Variants in FBN2 observed in about 807,000 individuals in gnomAD.
FBN2 encodes fibrillin-2.
FBN2 carries 105 observed loss-of-function variants against 355.6 expected under a neutral mutation model. The ratio of observed to expected loss-of-function variants is 0.30; its 90% CI spans 0.25 to 0.35. The LOEUF (loss-of-function observed/expected upper bound fraction) is 0.35. FBN2 is among the 10% of genes least tolerant of loss of function. The probability of loss-of-function intolerance (pLI) is 1.00; values close to 1 mark genes in which losing one functional copy is unlikely to be tolerated. For synonymous variants in FBN2, 1,350 were observed against 1,301.2 expected (o/e 1.04, Z -0.81); for missense variants, 3,280 against 3,758.7 (o/e 0.87, Z 3.33).
At chr5:128,521,837 C>A (rs1756441518) in intron 4 of FBN2, among the ~76,000 whole-genome samples, 1 of 152,128 alleles carries the variant, frequency 6.6e-6, no homozygotes, top group Non-Finnish European at 1.5e-5. Flanking sequence ...GCTGGATGAA[C>A]CTTGAGTTTC....
chr5:128,296,673 C>T (rs901279644), intron 48 of FBN2, among the ~76,000 whole-genome samples: 6,487 of 152,144 alleles, frequency 0.043, 436 homozygotes, highest in African/African-American at 0.14. Context: ...TCTGTGGGAT[C>T]GATGGTGATA....
chr5:128,516,066 T>C (rs1394000141), intron 5 of FBN2, among the ~76,000 whole-genome samples: 1 of 152,194 alleles, frequency 6.6e-6, no homozygotes, highest in Non-Finnish European at 1.5e-5. Flanking sequence ...ACATTTGCGA[T>C]CAAGTAATCA....
intron 7 of FBN2, among the ~76,000 whole-genome samples, chr5:128,433,191 T>C (rs1753670375): frequency 6.6e-6 from 1 of 152,086 alleles, no homozygotes; most frequent in African/African-American, 2.4e-5. Flanking sequence ...GAAATGAAAC[T>C]GGAAATCAGA....
At chr5:128,520,969 T>C (rs1228989861) in intron 4 of FBN2, among the ~76,000 whole-genome samples, 2 of 152,032 alleles carry the variant, frequency 1.3e-5, no homozygotes, top group Admixed American at 6.6e-5. Context: ...AAAATAAAGA[T>C]GGATGGGAAG....
At chr5:128,391,021 A>G (rs1752495905) in intron 11 of FBN2, among the ~76,000 whole-genome samples, 1 of 152,222 alleles carries the variant, frequency 6.6e-6, no homozygotes, top group African/African-American at 2.4e-5. Context: ...TGCATAATAC[A>G]GTGCATCAAT....
In FBN2 at chr5:128,374,735, T is replaced by C. The variant is rs863223556; in HGVS notation, c.1988A>G (p.Gln663Arg). 1 of 1,613,916 alleles carries C rather than the reference T, an allele frequency of 6.2e-7. No individual in the cohort carries two copies. Among genetic ancestry groups the C allele is most frequent in the South Asian group, 1.1e-5 (1 of 91,088 alleles). Residue 663 changes from glutamine to arginine, a missense_variant, in exon 15 of 65, where the codon CAG becomes CGG. This residue lies in a region of FBN2 where 2,284 missense variants were observed against 2,749.5 expected (regional missense o/e 0.83). Transcript: ENST00000262464. ...CCCATTCATGCAGATTCCTGGGGTC[T>C]GGCATTCATCAACATCTGTGCAGTG... Reference protein sequence around the residue: ...GRYCTDVDECQTPGICMNGHC... With the variant: ...GRYCTDVDECRTPGICMNGHC...
At chr5:128,444,221 C>T (rs449262) in intron 7 of FBN2, among the ~76,000 whole-genome samples, 30,221 of 151,212 alleles carry the variant, frequency 0.2, 3,203 homozygotes, top group Admixed American at 0.3. Flanking sequence ...TACAGGCGCC[C>T]GCCACCGCGC....
chr5:128,525,068 A>C (rs528339358), intron 4 of FBN2, among the ~76,000 whole-genome samples: 2 of 152,268 alleles, frequency 1.3e-5, no homozygotes, highest in South Asian at 4.1e-4. Flanking sequence ...TGTTCTGTAC[A>C]ACCCTCATAC....
At chr5:128,293,358 G>C (rs1210328721) in intron 48 of FBN2, among the ~76,000 whole-genome samples, 1 of 152,142 alleles carries the variant, frequency 6.6e-6, no homozygotes, top group Non-Finnish European at 1.5e-5. Flanking sequence ...CAGGCGTGGT[G>C]GTGGGCACCT....
chr5:128,262,331 T>C (rs1328841067), intron 63 of FBN2, among the ~76,000 whole-genome samples: 3 of 152,190 alleles, frequency 2.0e-5, no homozygotes, highest in Non-Finnish European at 4.4e-5. Flanking sequence ...AGTACTGGGA[T>C]TGCAGGGATG....
At chr5:128,293,869 G>A (rs1056630321) in intron 48 of FBN2, among the ~76,000 whole-genome samples, 3 of 151,490 alleles carry the variant, frequency 2.0e-5, no homozygotes, top group Admixed American at 1.3e-4. Flanking sequence ...TAAGTTTTAG[G>A]GTACATGTGC....
At chr5:128,269,874 C>T (rs576742806) in intron 62 of FBN2, among the ~76,000 whole-genome samples, 4 of 152,172 alleles carry the variant, frequency 2.6e-5, no homozygotes, top group East Asian at 1.9e-4. Context: ...CAAAGAAGAG[C>T]GTGTATAGCC....
chr5:128,274,962 A>G (rs901397610), intron 59 of FBN2, among the ~76,000 whole-genome samples: 1 of 152,220 alleles, frequency 6.6e-6, no homozygotes, highest in African/African-American at 2.4e-5. Context: ...CTGTTCTCAA[A>G]GCTACTATCC....
At chr5:128,302,931 G>A (rs373912491) in intron 46 of FBN2, 42 bp downstream of exon 46, 6 of 1,090,758 alleles carry the variant, frequency 5.5e-6, no homozygotes, top group Admixed American at 5.1e-5. Flanking sequence ...ACATTGTGTG[G>A]AAATGAAATA....
chr5:128,313,224 C>T (rs422728), intron 36 of FBN2, among the ~76,000 whole-genome samples: 121,730 of 152,086 alleles, frequency 0.8, 49,018 homozygotes, highest in East Asian at 0.98. Flanking sequence ...AGAGAAGATA[C>T]TTAAGGGATC....
chr5:128,312,213 G>A (rs550499789), intron 37 of FBN2, among the ~76,000 whole-genome samples: 1 of 152,242 alleles, frequency 6.6e-6, no homozygotes, highest in Admixed American at 6.5e-5. Context: ...CTTTTAGCTA[G>A]TAAATTAAGA....
chr5:128,537,514 A>AGGCT lies in FBN2; in HGVS notation c.86_89dup (p.Gln31AlafsTer26). 6.3e-7 allele frequency: 1 copy of AGGCT among 1,576,926 alleles called. No homozygotes were observed. Among genetic ancestry groups the AGGCT allele is most frequent in the Non-Finnish European group, 8.6e-7 (1 of 1,164,448 alleles). ...GGGGCGGCTTGGGCGGAGGAGGCTG[A>AGGCT]GGCTGGCCGGCCGTGCCCTGCGCCC... On this transcript the variant is annotated frameshift_variant, in exon 1 of 65. Transcript: ENST00000262464. LOFTEE classifies it high-confidence loss of function.
intron 11 of FBN2, among the ~76,000 whole-genome samples, chr5:128,391,077 T>C (rs904715340): frequency 2.6e-5 from 4 of 152,204 alleles, no homozygotes; most frequent in African/African-American, 9.6e-5. Context: ...CTCAAAGCAT[T>C]AGACAAACCA....
chr5:128,390,944 G>T (rs962853181), intron 11 of FBN2, among the ~76,000 whole-genome samples: 6 of 152,160 alleles, frequency 3.9e-5, no homozygotes, highest in Non-Finnish European at 2.9e-5. Flanking sequence ...TTATGAGTTT[G>T]ATGGTGATAT....
Sources: gnomAD v4.1 joint callset for allele counts (sites outside exome capture counted in the v4.1 genomes callset) on GRCh38, gnomAD v4.1.1 for gene constraint, gnomAD v4.1.1 regional missense constraint, MANE v1.5 for transcripts, NCBI Gene and HGNC (gene_info 2026-07-23, HGNC 2026-07-21) for gene names.